The following DPM1 variants were observed in gnomAD, a reference collection of about 807,000 sequenced individuals.
DPM1 encodes the protein dolichol-phosphate mannosyltransferase subunit 1.
In DPM1, 27 loss-of-function variants were observed where a neutral mutation model predicts 39.0. That is an observed-to-expected ratio of 0.69 (90% CI 0.51 to 0.95). DPM1 has a LOEUF of 0.95. DPM1 is among the 40% of genes least tolerant of loss of function. DPM1 has a pLI of 0.00. For synonymous variants in DPM1, 124 were observed against 109.0 expected (o/e 1.14, Z -0.86); for missense variants, 307 against 315.6 (o/e 0.97, Z 0.21).
In DPM1 at chr20:50,941,154, C is replaced by G. The variant is rs189011599; in HGVS notation, c.495-221G>C. 61 of 577,368 alleles carry G rather than the reference C, an allele frequency of 1.1e-4. 1 individual carries two copies. Among genetic ancestry groups the G allele is most frequent in the African/African-American group, 8.7e-4 (43 of 49,560 alleles). The allele number at this position is 577,368 out of a possible 1,614,324, so 35.8% of individuals were successfully genotyped here. A position where few individuals can be genotyped will look rare whatever the true frequency, so the allele number is the denominator to read the frequency against. On this transcript the variant is annotated intron_variant, in intron 6 of 8. Coordinates refer to ENST00000371588, the MANE Select transcript of DPM1 (RefSeq NM_003859.3). ...CTGTAATCCCAGGAGGCCAAGATGGCTGGATCACTTGAGCCCAGGAGTGAC... is the reference window on the plus strand; with the variant it reads ...CTGTAATCCCAGGAGGCCAAGATGGGTGGATCACTTGAGCCCAGGAGTGAC...
intron 7 of DPM1, among the ~76,000 whole-genome samples, chr20:50,938,447 A>G (rs1985403693): frequency 6.6e-6 from 1 of 151,240 alleles, no homozygotes; most frequent in Non-Finnish European, 1.5e-5. Flanking sequence ...GTGCAGTGCA[A>G]TCTCGGCTCA....
chr20:50,945,284 T>TTGTGTG (rs11474633), intron 5 of DPM1: 24,321 of 156,718 alleles, frequency 0.16, 2,204 homozygotes, highest in South Asian at 0.26. Flanking sequence ...CAAATGTGTG[T>TTGTGTG]TGTGTGTGTG....
intron 1 of DPM1, 89 bp downstream of exon 1, chr20:50,958,274 C>A: frequency 6.5e-7 from 1 of 1,546,162 alleles, no homozygotes; most frequent in African/African-American, 1.4e-5. Flanking sequence ...GAAGGCTGGA[C>A]AGGGCCGCTT....
intron 7 of DPM1, 99 bp downstream of exon 7, chr20:50,940,766 T>TA: frequency 1.9e-6 from 2 of 1,057,324 alleles, no homozygotes; most frequent in Admixed American, 3.7e-5. Context: ...TATCCCAGAA[T>TA]AAAAACAAGG....
Position 50,941,256 on chromosome 20 carries a change from AT to A in DPM1, c.495-324del, listed in dbSNP as rs1568762568. The A allele has an allele frequency of 3.6e-4, 62 of 172,740 alleles. 4 individuals are homozygous for A. The highest frequency in any genetic ancestry group is 1.5e-3 in the African/African-American group (55 of 35,678). 10.7% of individuals were successfully genotyped at this position (172,740 alleles called of 1,614,324 possible). A position where few individuals can be genotyped will look rare whatever the true frequency, so the allele number is the denominator to read the frequency against. On this transcript the variant is annotated intron_variant, in intron 6 of 8. Coordinates refer to ENST00000371588, the MANE Select transcript of DPM1 (RefSeq NM_003859.3). Reference sequence around the variant, plus strand: ...TATATATATATATATATATATATATATATATATAAATAAAATACATTCATAT... The same window carrying A: ...TATATATATATATATATATATATATAATATATAAATAAAATACATTCATAT...
intron 1 of DPM1, among the ~76,000 whole-genome samples, chr20:50,957,523 C>T (rs921468725): frequency 2.0e-5 from 3 of 152,176 alleles, no homozygotes; most frequent in East Asian, 3.8e-4. Context: ...GAACAAAGTC[C>T]TTGTTCTCAT....
At chr20:50,957,299 G>C (rs1429866484) in intron 1 of DPM1, among the ~76,000 whole-genome samples, 2 of 152,214 alleles carry the variant, frequency 1.3e-5, no homozygotes, top group Non-Finnish European at 2.9e-5. Context: ...AGAATGGAGA[G>C]TCCAAACTTG....
At chr20:50,941,733 T>C (rs140174342) in intron 6 of DPM1, among the ~76,000 whole-genome samples, 60 of 152,276 alleles carry the variant, frequency 3.9e-4, no homozygotes, top group African/African-American at 1.4e-3. Flanking sequence ...ACCCTACATA[T>C]TTAGACCAAA....
chr20:50,938,690 AT>A (rs1429960435), intron 7 of DPM1, among the ~76,000 whole-genome samples: 2 of 148,542 alleles, frequency 1.3e-5, no homozygotes, highest in Admixed American at 6.7e-5. Flanking sequence ...TATTTAAAAA[AT>A]TTTTTGGGCT....
chr20:50,945,652 T>G, intron 5 of DPM1, 85 bp downstream of exon 5: 1 of 1,243,702 alleles, frequency 8.0e-7, no homozygotes, highest in Non-Finnish European at 1.2e-6. Flanking sequence ...GTATTTTTGA[T>G]TAATAAAAAA....
At chr20:50,946,982 G>A (rs1445409263) in intron 3 of DPM1, among the ~76,000 whole-genome samples, 1 of 152,210 alleles carries the variant, frequency 6.6e-6, no homozygotes, top group Non-Finnish European at 1.5e-5. Context: ...GCCGAGGCAG[G>A]CGGATCATCT....
intron 7 of DPM1, among the ~76,000 whole-genome samples, chr20:50,937,682 T>A (rs894831846): frequency 6.6e-6 from 1 of 152,018 alleles, no homozygotes; most frequent in Admixed American, 6.6e-5. Context: ...CTCACTGCAG[T>A]CTCAACTTTC....
intron 7 of DPM1, among the ~76,000 whole-genome samples, chr20:50,939,269 C>G (rs1435018210): frequency 2.0e-5 from 3 of 152,342 alleles, no homozygotes; most frequent in Admixed American, 1.3e-4. Context: ...AAACTGTGGC[C>G]TGTGAAATCC....
At chr20:50,941,223 AGTG>A (rs1985709036) in intron 6 of DPM1, 1 of 123,134 alleles carries the variant, frequency 8.1e-6, no homozygotes. Flanking sequence ...CAAAAAAAAA[AGTG>A]AATATATATA....
intron 2 of DPM1, among the ~76,000 whole-genome samples, chr20:50,954,543 C>A (rs879194945): frequency 6.6e-6 from 1 of 151,942 alleles, no homozygotes; most frequent in Admixed American, 6.6e-5. Context: ...AAATACAAAC[C>A]GGTAACCAAA....
chr20:50,942,490 T>G, intron 5 of DPM1, among the ~76,000 whole-genome samples: 1 of 143,004 alleles, frequency 7.0e-6, no homozygotes, highest in African/African-American at 2.6e-5. Flanking sequence ...GCAACAAGAG[T>G]GAGACTCCAT....
chr20:50,935,354 G>T, intron 8 of DPM1, 118 bp from the exon 9 acceptor site: 2 of 700,632 alleles, frequency 2.9e-6, no homozygotes, highest in Non-Finnish European at 5.1e-6. Flanking sequence ...GGTCCTTAAA[G>T]TAAGTATAAA....
At chr20:50,956,532 A>G (rs78173841) in intron 1 of DPM1, among the ~76,000 whole-genome samples, 1 of 79,820 alleles carries the variant, frequency 1.3e-5, no homozygotes, top group Non-Finnish European at 2.9e-5. Context: ...TCTCCAAAAG[A>G]AAAAAAAAAA....
chr20:50,950,089 T>C (rs921501370), intron 2 of DPM1, among the ~76,000 whole-genome samples: 1 of 152,214 alleles, frequency 6.6e-6, no homozygotes, highest in Non-Finnish European at 1.5e-5. Flanking sequence ...CTATTATGCT[T>C]TGATTCCTTA....
Sources: allele counts gnomAD v4.1 joint callset (sites outside exome capture counted in the v4.1 genomes callset), GRCh38; gene constraint gnomAD v4.1.1; transcripts MANE v1.5; gene names NCBI Gene and HGNC (gene_info 2026-07-23, HGNC 2026-07-21).